Variants in METAP1D observed in about 807,000 individuals in gnomAD.
METAP1D encodes the protein methionyl aminopeptidase type 1D, mitochondrial.
In METAP1D, 31 loss-of-function variants were observed where a neutral mutation model predicts 40.5. That is an observed-to-expected ratio of 0.77 (90% confidence interval 0.58 to 1.03). The LOEUF (loss-of-function observed/expected upper bound fraction) is 1.03. Among genes scored for constraint, METAP1D ranks in the 50% least tolerant of loss-of-function variants. The pLI is 0.00. For synonymous variants in METAP1D, 151 were observed against 146.4 expected (o/e 1.03, Z -0.22); for missense variants, 411 against 420.7 (o/e 0.98, Z 0.20).
chr2:172,081,704 T>C lies in METAP1D; in HGVS notation c.*1298T>C, dbSNP rs1369446873. On this transcript the variant is annotated 3_prime_UTR_variant, in exon 10 of 10. Coordinates refer to ENST00000315796, the MANE Select transcript of METAP1D (RefSeq NM_199227.3). The stretch of plus-strand genomic sequence containing the variant: ...ACGAGGGTGTTCAAGCAGTTAATGG[T>C]TGTGCTAACTCTTGTTTCTACTGAA... 6.6e-6 allele frequency: 1 copy of C among 152,270 alleles called. No homozygotes were observed. Among genetic ancestry groups the C allele is most frequent in the African/African-American group, 2.4e-5 (1 of 41,460 alleles). The allele number at this position is 152,270 out of a possible 1,614,324, so 9.4% of individuals were successfully genotyped here.
In METAP1D at chr2:172,063,774, G is replaced by A; in HGVS notation, c.262G>A (p.Val88Ile). Residue 88 changes from valine (V) to isoleucine (I), a missense_variant, in exon 3 of 10, where the codon GTT becomes ATT. Transcript: ENST00000315796. ...ACCAGACTGGGGAGACAGCATAGAAGTTAAGAATGAAGATCAGATTCAAGG... is the reference window on the plus strand; with the variant it reads ...ACCAGACTGGGGAGACAGCATAGAAATTAAGAATGAAGATCAGATTCAAGG... ...IVPDWGDSIEVKNEDQIQGLH... is the reference protein window; with the variant it reads ...IVPDWGDSIEIKNEDQIQGLH... 1.2e-6 allele frequency: 2 copies of A among 1,614,112 alleles called. No homozygotes were observed. Among genetic ancestry groups the A allele is most frequent in the South Asian group, 1.1e-5 (1 of 91,068 alleles).
At chr2:172,065,489 T>A in intron 3 of METAP1D, 115 bp from the exon 4 acceptor site, 2 of 1,035,232 alleles carry the variant, frequency 1.9e-6, no homozygotes, top group Non-Finnish European at 2.8e-6. Flanking sequence ...TACCATAACT[T>A]TATCATAGTA....
chr2:172,064,082 T>C (rs978153260), intron 3 of METAP1D: 1 of 507,648 alleles, frequency 2.0e-6, no homozygotes, highest in African/African-American at 2.0e-5. Flanking sequence ...AAAATCCAAA[T>C]TCAATTTTAA....
At chr2:172,029,983 T>C (rs1689201561) in intron 1 of METAP1D, among the ~76,000 whole-genome samples, 2 of 152,154 alleles carry the variant, frequency 1.3e-5, no homozygotes, top group African/African-American at 4.8e-5. Context: ...CTCAAACTCC[T>C]GACTTCAAGT....
chr2:172,054,476 G>A (rs988863310), intron 1 of METAP1D, among the ~76,000 whole-genome samples: 1 of 151,944 alleles, frequency 6.6e-6, no homozygotes, highest in Non-Finnish European at 1.5e-5. Context: ...CCGAGATCGT[G>A]CTACTGCACT....
intron 1 of METAP1D, among the ~76,000 whole-genome samples, chr2:172,002,207 G>T (rs185699499): frequency 4.0e-5 from 6 of 149,856 alleles, no homozygotes; most frequent in African/African-American, 1.5e-4. Context: ...TAGAGGAGGA[G>T]CCAAAAAAAA....
At chr2:172,006,661 C>A (rs1688593751) in intron 1 of METAP1D, among the ~76,000 whole-genome samples, 1 of 152,118 alleles carries the variant, frequency 6.6e-6, no homozygotes, top group Non-Finnish European at 1.5e-5. Flanking sequence ...TTTACGGAGA[C>A]TGAATTTTCT....
At position 172,024,748 on chromosome 2, in the gene METAP1D, T is replaced by TTGTGTGTG. The variant is rs61596658; in HGVS notation, c.40+24773_40+24780dup. 5.6e-3 allele frequency among the ~76,000 whole-genome samples: 376 copies of TTGTGTGTG among 66,648 alleles called. 4 individuals carry two copies. The highest frequency in any genetic ancestry group is 0.012 in the African/African-American group (307 of 24,974). 43.7% of individuals were successfully genotyped at this position (66,648 alleles called of 152,430 possible). On this transcript the variant is annotated intron_variant, in intron 1 of 9. Coordinates refer to ENST00000315796, the MANE Select transcript of METAP1D (RefSeq NM_199227.3). ...AGCCTCCTTTTTAAAGACATATAGA[T>TTGTGTGTG]TGTGTGTGTGTGTGTGTGTGTGTGT...
chr2:172,009,627 T>C (rs1012057453), intron 1 of METAP1D, among the ~76,000 whole-genome samples: 5 of 152,184 alleles, frequency 3.3e-5, no homozygotes, highest in African/African-American at 9.7e-5. Context: ...GCATTTCTAA[T>C]ATATGGAATT....
chr2:172,044,217 C>G lies in METAP1D; in HGVS notation c.41-17281C>G, dbSNP rs1322515474. Among the ~76,000 whole-genome samples the G allele has an allele frequency of 1.5e-5, 2 of 132,802 alleles. 1 individual carries two copies. Among genetic ancestry groups the G allele is most frequent in the Non-Finnish European group, 3.5e-5 (2 of 57,228 alleles). 87.1% of individuals were successfully genotyped at this position (132,802 alleles called of 152,430 possible). On this transcript the variant is annotated intron_variant, in intron 1 of 9. Coordinates refer to ENST00000315796, the MANE Select transcript of METAP1D (RefSeq NM_199227.3). The stretch of plus-strand genomic sequence containing the variant: ...AAGCAAGCTGAAAAGATAGTTGAAA[C>G]AGTGTAGTACACACATTTAATATTT...
At chr2:172,048,818 A>G (rs1689818622) in intron 1 of METAP1D, among the ~76,000 whole-genome samples, 1 of 152,180 alleles carries the variant, frequency 6.6e-6, no homozygotes, top group South Asian at 2.1e-4. Flanking sequence ...TAAATATGAG[A>G]TGATGAATTT....
intron 1 of METAP1D, among the ~76,000 whole-genome samples, chr2:172,007,771 CCTT>C (rs1482190814): frequency 1.3e-5 from 2 of 152,008 alleles, no homozygotes; most frequent in African/African-American, 4.8e-5. Context: ...CTCACTGCAA[CCTT>C]CTTCTCCTGG....
At chr2:172,073,748 T>C (rs146973952) in intron 6 of METAP1D, among the ~76,000 whole-genome samples, 47 of 152,338 alleles carry the variant, frequency 3.1e-4, no homozygotes, top group African/African-American at 9.6e-4. Context: ...AAACAAACCA[T>C]ATTTACCTTT....
chr2:172,004,570 C>T (rs1459230490), intron 1 of METAP1D, among the ~76,000 whole-genome samples: 1 of 152,162 alleles, frequency 6.6e-6, no homozygotes, highest in East Asian at 1.9e-4. Context: ...GGTGACGCAC[C>T]TGCCTCGGCC....
chr2:172,045,807 G>GTA (rs1689736626), intron 1 of METAP1D, among the ~76,000 whole-genome samples: 1 of 52,856 alleles, frequency 1.9e-5, no homozygotes, highest in African/African-American at 7.3e-5. Context: ...ATGTGTGTGT[G>GTA]TGTGTGTGTG....
intron 1 of METAP1D, among the ~76,000 whole-genome samples, chr2:172,028,072 C>T (rs185935507): frequency 5.3e-5 from 8 of 152,188 alleles, no homozygotes; most frequent in Middle Eastern, 3.4e-3. Context: ...AAACAATAGA[C>T]GCAATTAGAC....
At position 172,034,793 on chromosome 2, in the gene METAP1D, C is replaced by T. The variant is rs938026636; in HGVS notation, c.41-26705C>T. Among the ~76,000 whole-genome samples, 105 of 152,122 alleles carry T rather than the reference C, an allele frequency of 6.9e-4. 1 individual carries two copies. Among genetic ancestry groups the T allele is most frequent in the African/African-American group, 2.4e-3 (99 of 41,440 alleles). ...AAAAAATTTGCAAATATAAATTTCT[C>T]ATGGCCTAGTAAATTAAATGTCGTG... On this transcript the variant is annotated intron_variant, in intron 1 of 9. Transcript: ENST00000315796.
At chr2:172,074,127 A>G (rs1690487275) in intron 6 of METAP1D, among the ~76,000 whole-genome samples, 1 of 152,128 alleles carries the variant, frequency 6.6e-6, no homozygotes, top group Non-Finnish European at 1.5e-5. Flanking sequence ...CTAAATCTGT[A>G]TTTTTATAAT....
intron 1 of METAP1D, among the ~76,000 whole-genome samples, chr2:172,028,842 G>A (rs765156928): frequency 1.3e-5 from 2 of 152,050 alleles, no homozygotes; most frequent in Non-Finnish European, 2.9e-5. Context: ...ATAATTTAAG[G>A]ACATTAAAAA....
Sources: allele counts gnomAD v4.1 joint callset (sites outside exome capture counted in the v4.1 genomes callset), GRCh38; gene constraint gnomAD v4.1.1; transcripts MANE v1.5; gene names NCBI Gene and HGNC (gene_info 2026-07-23, HGNC 2026-07-21).